Variants in CDK19 observed in about 807,000 individuals in gnomAD.
CDK19 encodes the protein cyclin-dependent kinase 19.
In CDK19, 20 loss-of-function variants were observed where a neutral mutation model predicts 68.3. The observed-to-expected ratio is 0.29, with a 90% CI of 0.21 to 0.43. The LOEUF (loss-of-function observed/expected upper bound fraction) is 0.43. Among genes scored for constraint, CDK19 ranks in the 20% least tolerant of loss-of-function variants. The pLI is 1.00. For missense variants in CDK19, 339 were observed against 623.5 expected (o/e 0.54, Z 4.86); for synonymous variants, 221 against 222.8 (o/e 0.99, Z 0.07).
At chr6:110,730,106 A>G (rs1258035677) in intron 2 of CDK19, among the ~76,000 whole-genome samples, 1 of 152,172 alleles carries the variant, frequency 6.6e-6, no homozygotes, top group Non-Finnish European at 1.5e-5. Context: ...TCATTGGAGT[A>G]CTAACAGCAA....
chr6:110,759,450 T>TAAAA (rs35306822), intron 1 of CDK19, among the ~76,000 whole-genome samples: 3 of 114,328 alleles, frequency 2.6e-5, no homozygotes, highest in African/African-American at 1.0e-4. Flanking sequence ...TATATATATA[T>TAAAA]AAATTAGCCA....
chr6:110,779,778 C>T (rs925422882), intron 1 of CDK19, among the ~76,000 whole-genome samples: 26 of 152,018 alleles, frequency 1.7e-4, no homozygotes, highest in South Asian at 8.3e-4. Flanking sequence ...TTTTTAAAAT[C>T]TCATATTCTC....
In CDK19 at chr6:110,747,004, G is replaced by A. The variant is rs528998219; in HGVS notation, c.129-803C>T. Among the ~76,000 whole-genome samples, 8 of 152,252 alleles carry A rather than the reference G, an allele frequency of 5.3e-5. No homozygotes were observed. In the South Asian group the frequency reaches 1.0e-3, roughly 20 times the overall value. On this transcript the variant is annotated intron_variant, in intron 1 of 12. Coordinates refer to ENST00000368911, the MANE Select transcript of CDK19 (RefSeq NM_015076.5). The stretch of plus-strand genomic sequence containing the variant: ...CTGATACCAGAACCAGCCACACAAA[G>A]GTCTCAGCTGAATGTCATAACTATA...
chr6:110,692,007 A>C (rs1407399963), intron 2 of CDK19, among the ~76,000 whole-genome samples: 1 of 151,774 alleles, frequency 6.6e-6, no homozygotes, highest in East Asian at 2.0e-4. Context: ...GAAATGAAAG[A>C]CACACTGGCT....
chr6:110,791,195 A>C (rs749905439), intron 1 of CDK19, among the ~76,000 whole-genome samples: 16 of 151,354 alleles, frequency 1.1e-4, no homozygotes, highest in Non-Finnish European at 2.2e-4. Flanking sequence ...TTAATTCATT[A>C]ATTAATTAAT....
chr6:110,650,576 T>A (rs1780898731), intron 4 of CDK19, among the ~76,000 whole-genome samples: 1 of 152,170 alleles, frequency 6.6e-6, no homozygotes, highest in East Asian at 1.9e-4. Context: ...ATTGTCAGCA[T>A]TATTTAAGCA....
At chr6:110,778,730 G>C (rs1003723527) in intron 1 of CDK19, among the ~76,000 whole-genome samples, 1 of 152,124 alleles carries the variant, frequency 6.6e-6, no homozygotes, top group African/African-American at 2.4e-5. Context: ...CATGTATCCA[G>C]GTGAAGTGTA....
At chr6:110,657,854 T>C (rs191726747) in intron 4 of CDK19, among the ~76,000 whole-genome samples, 3 of 152,168 alleles carry the variant, frequency 2.0e-5, no homozygotes, top group South Asian at 2.1e-4. Flanking sequence ...CCTTGCAAGC[T>C]GGCCCTCTTG....
intron 5 of CDK19, among the ~76,000 whole-genome samples, chr6:110,632,662 C>A (rs572442747): frequency 1.2e-3 from 177 of 151,760 alleles, no homozygotes; most frequent in African/African-American, 3.7e-3. Flanking sequence ...ACCAGGGAGG[C>A]GGAGGCTGCA....
chr6:110,748,417 G>C (rs943780824), intron 1 of CDK19, among the ~76,000 whole-genome samples: 4 of 152,242 alleles, frequency 2.6e-5, no homozygotes, highest in Admixed American at 1.3e-4. Context: ...CACTTAATAA[G>C]TTTAAATATA....
At chr6:110,731,782 G>C (rs1225110505) in intron 2 of CDK19, among the ~76,000 whole-genome samples, 1 of 152,000 alleles carries the variant, frequency 6.6e-6, no homozygotes, top group Non-Finnish European at 1.5e-5. Context: ...TATTTGCATA[G>C]ACTATCCTAT....
At chr6:110,708,913 C>G (rs2114679182) in intron 2 of CDK19, among the ~76,000 whole-genome samples, 1 of 152,268 alleles carries the variant, frequency 6.6e-6, no homozygotes, top group Admixed American at 6.5e-5. Context: ...AAGAAATAAG[C>G]ACCTAGAAAA....
At chr6:110,677,289 C>T (rs773378201) in intron 2 of CDK19, among the ~76,000 whole-genome samples, 4 of 151,908 alleles carry the variant, frequency 2.6e-5, no homozygotes, top group Admixed American at 6.6e-5. Context: ...ATTGGCAGGG[C>T]GCGGTGGCTC....
rs1777750734 is a variant in CDK19, at chr6:110,742,452, T to C, written c.204+3674A>G. 2.0e-5 allele frequency among the ~76,000 whole-genome samples: 3 copies of C among 152,240 alleles called. No individual in the cohort carries two copies. In the Middle Eastern group the frequency reaches 0.01, roughly 518 times the overall value. On this transcript the variant is annotated intron_variant, in intron 2 of 12. Coordinates refer to ENST00000368911, the MANE Select transcript of CDK19 (RefSeq NM_015076.5). ...CAGTGCACCCTGAAAAAGAACAGAA[T>C]AACAGTGATTTTCAGGGAACAAGGG...
chr6:110,760,096 G>A (rs915867725), intron 1 of CDK19, among the ~76,000 whole-genome samples: 7 of 151,944 alleles, frequency 4.6e-5, no homozygotes, highest in South Asian at 2.1e-4. Flanking sequence ...GGCAGGGACC[G>A]ACTAAAAGCC....
chr6:110,758,729 T>C (rs115968517), intron 1 of CDK19, among the ~76,000 whole-genome samples: 2,554 of 152,178 alleles, frequency 0.017, 85 homozygotes, highest in African/African-American at 0.058. Context: ...AGTATTTTTA[T>C]TGTAAAGGTA....
intron 1 of CDK19, chr6:110,773,948 A>G (rs1780213818): frequency 6.6e-6 from 1 of 152,190 alleles, no homozygotes; most frequent in Non-Finnish European, 1.5e-5. Flanking sequence ...CTATGAACAC[A>G]GCAGAGGCAA....
intron 2 of CDK19, among the ~76,000 whole-genome samples, chr6:110,743,429 G>A (rs1398969694): frequency 1.3e-5 from 2 of 152,212 alleles, no homozygotes; most frequent in East Asian, 3.9e-4. Context: ...ATCACTTGAG[G>A]TCAGGTGTTC....
intron 4 of CDK19, among the ~76,000 whole-genome samples, chr6:110,650,115 T>C (rs531082954): frequency 6.6e-6 from 1 of 152,168 alleles, no homozygotes; most frequent in African/African-American, 2.4e-5. Flanking sequence ...TTATGTTGGG[T>C]GAAAAGAAAG....
Sources: gnomAD v4.1 joint callset for allele counts (sites outside exome capture counted in the v4.1 genomes callset) on GRCh38, gnomAD v4.1.1 for gene constraint, MANE v1.5 for transcripts, NCBI Gene and HGNC (gene_info 2026-07-23, HGNC 2026-07-21) for gene names.